The following RAB15 variants were observed in gnomAD, a reference collection of about 807,000 sequenced individuals.
The protein encoded by RAB15 is ras-related protein Rab-15.
A neutral mutation model predicts 31.8 loss-of-function variants in RAB15; 13 were observed. The observed-to-expected ratio is 0.41, with a 90% CI of 0.27 to 0.65. The LOEUF (loss-of-function observed/expected upper bound fraction) is 0.65. RAB15 is among the 30% of genes least tolerant of loss of function. The probability of loss-of-function intolerance (pLI) is 0.32; values close to 1 mark genes in which losing one functional copy is unlikely to be tolerated. For missense variants in RAB15, 220 were observed against 277.3 expected (o/e 0.79, Z 1.47); for synonymous variants, 100 against 105.6 (o/e 0.95, Z 0.33).
chr14:64,969,200 T>C (rs555103602), intron 1 of RAB15, among the ~76,000 whole-genome samples: 1 of 152,332 alleles, frequency 6.6e-6, no homozygotes, highest in South Asian at 2.1e-4. Context: ...ATTATTCATC[T>C]TGGAATCTCT....
chr14:64,971,944 G>T lies in RAB15; in HGVS notation c.124+9C>A. Reference sequence around the variant, plus strand: ...GGAGGGAGGGGCGCCCCGGGCCACCGCCCCTTACCGATGGTGGAGATGTGC... The same window carrying T: ...GGAGGGAGGGGCGCCCCGGGCCACCTCCCCTTACCGATGGTGGAGATGTGC... On this transcript the variant is annotated intron_variant, in intron 1 of 6. Transcript: ENST00000533601. This position sits in a 1 kb window ranked among gnomAD's most constrained non-coding sequence, Gnocchi z 4.1. 1 of 1,561,182 alleles carries T rather than the reference G, an allele frequency of 6.4e-7. No homozygotes were observed. Among genetic ancestry groups the T allele is most frequent in the Non-Finnish European group, 8.7e-7 (1 of 1,153,528 alleles).
In RAB15 at chr14:64,954,642, T is replaced by A; in HGVS notation, c.125-2071A>T. On this transcript the variant is annotated intron_variant, in intron 1 of 6. Transcript: ENST00000533601. This position sits in a 1 kb window ranked among gnomAD's most constrained non-coding sequence, Gnocchi z 4.3. ...TGGCCCCTGCCCTCAGAGAGCCTAGTGGAAAGGAAACAAGGGCTCAGAGAG... is the reference window on the plus strand; with the variant it reads ...TGGCCCCTGCCCTCAGAGAGCCTAGAGGAAAGGAAACAAGGGCTCAGAGAG... 2 of 577,036 alleles carry A rather than the reference T, an allele frequency of 3.5e-6. No homozygotes were observed. The highest frequency in any genetic ancestry group is 4.4e-6 in the Non-Finnish European group (2 of 456,970). The allele number at this position is 577,036 out of a possible 1,614,324, so 35.7% of individuals were successfully genotyped here.
chr14:64,949,173 C>T (rs572539901), intron 5 of RAB15, among the ~76,000 whole-genome samples: 45 of 152,316 alleles, frequency 3.0e-4, no homozygotes, highest in African/African-American at 1.0e-3. Flanking sequence ...GTGTGTCTCC[C>T]ATCCATGGTT....
At chr14:64,956,673 G>A (rs966428230) in intron 1 of RAB15, among the ~76,000 whole-genome samples, 1 of 152,192 alleles carries the variant, frequency 6.6e-6, no homozygotes, top group African/African-American at 2.4e-5. Flanking sequence ...TTCGGCTTTA[G>A]AATCACCTGG....
Position 64,955,992 on chromosome 14 carries a change from C to G in RAB15, c.125-3421G>C, listed in dbSNP as rs1418570630. ...TAGGTGTAGGGCAAGGCCTGAGATG[C>G]TGCAGGAAGCTCCCAGGTGAAGATG... is the stretch of plus-strand genomic sequence containing the variant. On this transcript the variant is annotated intron_variant, in intron 1 of 6. Transcript: ENST00000533601. This position sits in a 1 kb window ranked among gnomAD's most constrained non-coding sequence, Gnocchi z 4.4. Among the ~76,000 whole-genome samples, 1 of 152,198 alleles carries G rather than the reference C, an allele frequency of 6.6e-6. No homozygotes were observed. The highest frequency in any genetic ancestry group is 6.5e-5 in the Admixed American group (1 of 15,282).
rs1387401617 is a variant in RAB15 at position 64,947,008 on chromosome 14, G to A, written c.*1346C>T. On this transcript the variant is annotated 3_prime_UTR_variant, in exon 7 of 7. Coordinates refer to ENST00000533601, the MANE Select transcript of RAB15 (RefSeq NM_001308154.2). The surrounding 1 kb of genome is among the most constrained non-coding windows in gnomAD (Gnocchi z 5.6). ...GTTGGCAAACCCTCAAGCCTATCAG[G>A]AGGTAGAGGGCAAGATGAGCGCTTT... The A allele has an allele frequency of 1.3e-5, 2 of 152,690 alleles. No homozygotes were observed. Among genetic ancestry groups the A allele is most frequent in the Non-Finnish European group, 2.9e-5 (2 of 68,076 alleles). 9.5% of individuals were successfully genotyped at this position (152,690 alleles called of 1,614,324 possible). A position where few individuals can be genotyped will look rare whatever the true frequency, so the allele number is the denominator to read the frequency against.
intron 1 of RAB15, among the ~76,000 whole-genome samples, chr14:64,965,230 G>T (rs1946209894): frequency 6.6e-6 from 1 of 152,048 alleles, no homozygotes. Context: ...GGCCGAGGTG[G>T]GTGGATCAGC....
chr14:64,971,870 T>G lies in RAB15; in HGVS notation c.124+83A>C. ...CGCCTCCAGCCGGAGGGGCTGGCAA[T>G]TCCTCCCCAGCTGGGGACGGGGGCG... is the stretch of plus-strand genomic sequence containing the variant. On this transcript the variant is annotated intron_variant, in intron 1 of 6. Coordinates refer to ENST00000533601, the MANE Select transcript of RAB15 (RefSeq NM_001308154.2). The surrounding 1 kb of genome is among the most constrained non-coding windows in gnomAD (Gnocchi z 4.1). 7.5e-7 allele frequency: 1 copy of G among 1,336,198 alleles called. No homozygotes were observed. The highest frequency in any genetic ancestry group is 1.0e-6 in the Non-Finnish European group (1 of 976,348). The allele number at this position is 1,336,198 out of a possible 1,614,324, so 82.8% of individuals were successfully genotyped here.
At chr14:64,961,043 G>A (rs72728215) in intron 1 of RAB15, among the ~76,000 whole-genome samples, 14,113 of 152,002 alleles carry the variant, frequency 0.093, 745 homozygotes, top group Non-Finnish European at 0.12. Context: ...GGTGCCAAAT[G>A]TTATCACCAG....
chr14:64,960,471 G>A (rs1886797507), intron 1 of RAB15, among the ~76,000 whole-genome samples: 1 of 152,194 alleles, frequency 6.6e-6, no homozygotes, highest in Non-Finnish European at 1.5e-5. Context: ...ACAATTGGGA[G>A]GTCAAGTTTG....
Position 64,955,626 on chromosome 14 carries a change from C to CA in RAB15, c.125-3056dup, listed in dbSNP as rs1658169575. 6.6e-6 allele frequency among the ~76,000 whole-genome samples: 1 copy of CA among 152,234 alleles called. No individual in the cohort carries two copies. The highest frequency in any genetic ancestry group is 2.1e-4 in the South Asian group (1 of 4,838). ...CACCCCCTCCCCACCCCTGTGCTCT[C>CA]AGCAGGATACCTTCTCCACTGTTTT... On this transcript the variant is annotated intron_variant, in intron 1 of 6. Coordinates refer to ENST00000533601, the MANE Select transcript of RAB15 (RefSeq NM_001308154.2). The surrounding 1 kb of genome is among the most constrained non-coding windows in gnomAD (Gnocchi z 4.4).
At position 64,952,504 on chromosome 14, in the gene RAB15, A is replaced by G. The variant is rs1886313386; in HGVS notation, c.185+7T>C. On this transcript the variant is annotated splice_region_variant and intron_variant, in intron 2 of 6. Transcript: ENST00000533601. The surrounding 1 kb of genome is among the most constrained non-coding windows in gnomAD (Gnocchi z 4.2). ...CTACATCTGCCTCCTCCTCCTCCCC[A>G]GCTCACCAGATCTGTATCCGCACTT... The G allele has an allele frequency of 1.2e-6, 2 of 1,609,478 alleles. No individual in the cohort carries two copies. Among genetic ancestry groups the G allele is most frequent in the South Asian group, 1.1e-5 (1 of 90,948 alleles).
rs528215055 is a variant in RAB15, at chr14:64,968,882, C to T, written c.124+3071G>A. Among the ~76,000 whole-genome samples the T allele has an allele frequency of 4.6e-5, 7 of 152,278 alleles. No individual in the cohort carries two copies. The highest frequency in any genetic ancestry group is 2.0e-4 in the Admixed American group (3 of 15,300). On this transcript the variant is annotated intron_variant, in intron 1 of 6. Coordinates refer to ENST00000533601, the MANE Select transcript of RAB15 (RefSeq NM_001308154.2). The surrounding 1 kb of genome is among the most constrained non-coding windows in gnomAD (Gnocchi z 4.9). ...CCTGCTGGTCTGCTGGCCAGAAAGA[C>T]GAAAAGGATAGGGGGAGGGACAGTC...
Position 64,950,500 on chromosome 14 carries a change from A to AC in RAB15, c.325-87dup. On this transcript the variant is annotated intron_variant, in intron 4 of 6. Coordinates refer to ENST00000533601, the MANE Select transcript of RAB15 (RefSeq NM_001308154.2). The surrounding 1 kb of genome is among the most constrained non-coding windows in gnomAD (Gnocchi z 5.6). ...ACAGAGTCTGCACTGCCTCCAGCCC[A>AC]CCACCAATTCCAGAGCCCTAGGGAC... 9.0e-7 allele frequency: 1 copy of AC among 1,116,612 alleles called. No individual in the cohort carries two copies. The allele number at this position is 1,116,612 out of a possible 1,614,324, so 69.2% of individuals were successfully genotyped here. A position where few individuals can be genotyped will look rare whatever the true frequency, so the allele number is the denominator to read the frequency against.
chr14:64,957,285 T>C (rs1362921214), intron 1 of RAB15, among the ~76,000 whole-genome samples: 2 of 152,140 alleles, frequency 1.3e-5, no homozygotes, highest in African/African-American at 4.8e-5. Flanking sequence ...CTAAGGGCTG[T>C]GCTGGGATAA....
At position 64,968,977 on chromosome 14, in the gene RAB15, G is replaced by A. The variant is rs371725940; in HGVS notation, c.124+2976C>T. Among the ~76,000 whole-genome samples the A allele has an allele frequency of 2.0e-4, 31 of 152,198 alleles. No individual in the cohort carries two copies. Among genetic ancestry groups the A allele is most frequent in the African/African-American group, 6.3e-4 (26 of 41,446 alleles). ...GTTCTTCTCTAGAAGATCGCAGGCC[G>A]TTAAAGTGGAGTACACAGTAAATCA... On this transcript the variant is annotated intron_variant, in intron 1 of 6. Coordinates refer to ENST00000533601, the MANE Select transcript of RAB15 (RefSeq NM_001308154.2). The surrounding 1 kb of genome is among the most constrained non-coding windows in gnomAD (Gnocchi z 4.9).
chr14:64,954,039 C>G lies in RAB15; in HGVS notation c.125-1468G>C. On this transcript the variant is annotated intron_variant, in intron 1 of 6. Coordinates refer to ENST00000533601, the MANE Select transcript of RAB15 (RefSeq NM_001308154.2). The surrounding 1 kb of genome is among the most constrained non-coding windows in gnomAD (Gnocchi z 4.3). ...AAGGCAAACAAATTAAATTCTGTCT[C>G]TTCCTTCCCACCATCAAGACCAATC... 3.0e-6 allele frequency: 3 copies of G among 985,456 alleles called. No homozygotes were observed. The highest frequency in any genetic ancestry group is 3.6e-6 in the Non-Finnish European group (3 of 829,932). 61.0% of individuals were successfully genotyped at this position (985,456 alleles called of 1,614,324 possible).
chr14:64,949,722 CAAA>C (rs200189142), intron 5 of RAB15, among the ~76,000 whole-genome samples: 2 of 85,368 alleles, frequency 2.3e-5, no homozygotes, highest in South Asian at 3.9e-4. Flanking sequence ...GACTCCATCT[CAAA>C]AAAAAAAAAA....
In RAB15 at chr14:64,967,599, TAGAAA is replaced by T. The variant is rs1373286527; in HGVS notation, c.124+4349_124+4353del. On this transcript the variant is annotated intron_variant, in intron 1 of 6. Coordinates refer to ENST00000533601, the MANE Select transcript of RAB15 (RefSeq NM_001308154.2). The stretch of plus-strand genomic sequence containing the variant: ...AAACCTAGTCTCAAAAAAAAAAAAA[TAGAAA>T]AGAAAAGAAAACCAACAACTCCTGA... Among the ~76,000 whole-genome samples the T allele has an allele frequency of 4.9e-3, 699 of 143,324 alleles. 4 individuals carry two copies. The highest frequency in any genetic ancestry group is 0.018 in the African/African-American group (663 of 37,626). 94.0% of individuals were successfully genotyped at this position (143,324 alleles called of 152,430 possible). A position where few individuals can be genotyped will look rare whatever the true frequency, so the allele number is the denominator to read the frequency against.
Sources: gnomAD v4.1 joint callset for allele counts (sites outside exome capture counted in the v4.1 genomes callset) on GRCh38, gnomAD v4.1.1 for gene constraint, Gnocchi (gnomAD v3.1) non-coding constraint, MANE v1.5 for transcripts, NCBI Gene and HGNC (gene_info 2026-07-23, HGNC 2026-07-21) for gene names.